The following WBP1L variants were observed in gnomAD, a reference collection of about 807,000 sequenced individuals.
The protein encoded by WBP1L is WW domain binding protein 1-like.
A neutral mutation model predicts 33.7 loss-of-function variants in WBP1L; 17 were observed. The observed-to-expected ratio is 0.50, with a 90% CI of 0.34 to 0.76. The LOEUF (loss-of-function observed/expected upper bound fraction) is 0.76, where lower values mean the gene tolerates loss of function less well. Ranked by LOEUF, WBP1L falls within the 30% of genes least tolerant of loss-of-function variation. The pLI is 0.01. For missense variants in WBP1L, 389 were observed against 469.4 expected (o/e 0.83, Z 1.58); for synonymous variants, 173 against 190.8 (o/e 0.91, Z 0.77).
At chr10:102,787,449 G>A (rs953554432) in intron 1 of WBP1L, among the ~76,000 whole-genome samples, 4 of 152,144 alleles carry the variant, frequency 2.6e-5, no homozygotes, top group South Asian at 2.1e-4. Flanking sequence ...TTAGCTGGGT[G>A]TGGTGGCGTA....
chr10:102,745,190 A>T (rs556418506), intron 1 of WBP1L, among the ~76,000 whole-genome samples: 6 of 152,220 alleles, frequency 3.9e-5, no homozygotes, highest in Non-Finnish European at 8.8e-5. Context: ...CAAGAGCAGA[A>T]ACTGAGTGCC....
At chr10:102,793,193 C>A (rs1373099212) in intron 1 of WBP1L, among the ~76,000 whole-genome samples, 1 of 152,176 alleles carries the variant, frequency 6.6e-6, no homozygotes, top group African/African-American at 2.4e-5. Flanking sequence ...GTAACCCCAG[C>A]ACTTTGGGAG....
intron 1 of WBP1L, among the ~76,000 whole-genome samples, chr10:102,778,076 A>G (rs1456024008): frequency 2.0e-5 from 3 of 152,202 alleles, no homozygotes; most frequent in Non-Finnish European, 4.4e-5. Flanking sequence ...GCAGGCCCTT[A>G]ACTGTTCTGA....
At chr10:102,788,255 A>G (rs961464911) in intron 1 of WBP1L, among the ~76,000 whole-genome samples, 4 of 150,576 alleles carry the variant, frequency 2.7e-5, no homozygotes, top group South Asian at 2.1e-4. Context: ...CAGCCTCCCG[A>G]GTAGCTACCA....
At chr10:102,762,772 TCTC>T (rs2134032938) in intron 1 of WBP1L, among the ~76,000 whole-genome samples, 1 of 152,296 alleles carries the variant, frequency 6.6e-6, no homozygotes, top group Non-Finnish European at 1.5e-5. Context: ...CAGCATATCT[TCTC>T]CTCTTCCAGC....
chr10:102,810,063 A>G lies in WBP1L; in HGVS notation c.355+9A>G, dbSNP rs746766571. 1.9e-6 allele frequency: 3 copies of G among 1,603,026 alleles called. No individual in the cohort carries two copies. The highest frequency in any genetic ancestry group is 2.6e-6 in the Non-Finnish European group (3 of 1,174,792). On this transcript the variant is annotated intron_variant, in intron 3 of 3. Coordinates refer to ENST00000448841, the MANE Select transcript of WBP1L (RefSeq NM_001083913.2). ...GCTGCCATTTTATTTCAGTACGTAC[A>G]CCCAAGCCCCCATACCCACCCTCAG...
chr10:102,775,399 T>C (rs924714059), intron 1 of WBP1L, among the ~76,000 whole-genome samples: 4 of 152,202 alleles, frequency 2.6e-5, no homozygotes, highest in African/African-American at 9.6e-5. Flanking sequence ...GTTAGAGAAC[T>C]CTTGTCTCCC....
chr10:102,754,746 CCAGGCTGGAGTA>C (rs1411125627), intron 1 of WBP1L, among the ~76,000 whole-genome samples: 1 of 151,910 alleles, frequency 6.6e-6, no homozygotes, highest in Non-Finnish European at 1.5e-5. Context: ...GCTATGCTGC[CCAGGCTGGAGTA>C]CAGTGGCGCA....
chr10:102,776,138 G>A, intron 1 of WBP1L: 3 of 1,383,942 alleles, frequency 2.2e-6, no homozygotes, highest in Middle Eastern at 2.8e-4. Flanking sequence ...GACAGCTTCG[G>A]CTTTGCTGCG....
rs565008461 is a variant in WBP1L, at chr10:102,778,108, A to G, written c.91-19885A>G. ...CTGAACCTCATCTCTGAGGTCACAC[A>G]GGGATTCCACGAAAGAATGTATGTG... is the stretch of plus-strand genomic sequence containing the variant. On this transcript the variant is annotated intron_variant, in intron 1 of 3. Coordinates refer to ENST00000448841, the MANE Select transcript of WBP1L (RefSeq NM_001083913.2). 7.2e-5 allele frequency among the ~76,000 whole-genome samples: 11 copies of G among 152,340 alleles called. No individual in the cohort carries two copies. The South Asian group carries it at 1.9e-3, about 26-fold the overall frequency.
intron 1 of WBP1L, among the ~76,000 whole-genome samples, chr10:102,779,470 T>G (rs1054291503): frequency 2.0e-5 from 3 of 151,674 alleles, no homozygotes; most frequent in African/African-American, 7.3e-5. Context: ...GCTAATTTTT[T>G]GGGTATTTTT....
At chr10:102,746,646 G>A (rs1406188249) in intron 1 of WBP1L, among the ~76,000 whole-genome samples, 2 of 151,278 alleles carry the variant, frequency 1.3e-5, no homozygotes, top group Non-Finnish European at 2.9e-5. Context: ...GTACAAATCA[G>A]TAAGGAAAAA....
At chr10:102,772,336 C>T (rs1265997784) in intron 1 of WBP1L, among the ~76,000 whole-genome samples, 5 of 143,348 alleles carry the variant, frequency 3.5e-5, no homozygotes, top group African/African-American at 1.0e-4. Flanking sequence ...TCTCAGCTCA[C>T]TGCAGCCTCC....
chr10:102,777,484 G>A (rs1843280800), intron 1 of WBP1L, among the ~76,000 whole-genome samples: 1 of 151,156 alleles, frequency 6.6e-6, no homozygotes, highest in South Asian at 2.1e-4. Flanking sequence ...TATCTTCAGA[G>A]TGTTGCGTTG....
At chr10:102,804,985 C>CAA (rs1229772360) in intron 2 of WBP1L, among the ~76,000 whole-genome samples, 1 of 151,964 alleles carries the variant, frequency 6.6e-6, no homozygotes, top group African/African-American at 2.4e-5. Flanking sequence ...CAAAACAAAA[C>CAA]AAAAACAACC....
At chr10:102,764,815 C>T (rs868047425) in intron 1 of WBP1L, among the ~76,000 whole-genome samples, 4 of 152,166 alleles carry the variant, frequency 2.6e-5, no homozygotes, top group African/African-American at 7.2e-5. Context: ...AGGAAAGGCA[C>T]GGTGCCATGA....
chr10:102,785,180 C>A (rs1843397724), intron 1 of WBP1L, among the ~76,000 whole-genome samples: 1 of 132,900 alleles, frequency 7.5e-6, no homozygotes, highest in Non-Finnish European at 1.7e-5. Flanking sequence ...GGCACCAGCC[C>A]ACTTTTTTTT....
chr10:102,804,422 A>ATTTT (rs1564769134), intron 2 of WBP1L, among the ~76,000 whole-genome samples: 75 of 99,040 alleles, frequency 7.6e-4, no homozygotes, highest in Admixed American at 1.8e-3. Context: ...TTTTTTTTAA[A>ATTTT]AAAAAAATTA....
intron 2 of WBP1L, among the ~76,000 whole-genome samples, chr10:102,807,126 G>A (rs1172407128): frequency 6.6e-6 from 1 of 152,014 alleles, no homozygotes; most frequent in African/African-American, 2.4e-5. Flanking sequence ...CATAGCATTT[G>A]GAATGGAAAA....
Sources: gnomAD v4.1 joint callset for allele counts (sites outside exome capture counted in the v4.1 genomes callset) on GRCh38, gnomAD v4.1.1 for gene constraint, MANE v1.5 for transcripts, NCBI Gene and HGNC (gene_info 2026-07-23, HGNC 2026-07-21) for gene names.